The following ST7L variants were observed in gnomAD, a reference collection of about 807,000 sequenced individuals.
ST7L encodes suppression of tumorigenicity 7 like.
In ST7L, 57 loss-of-function variants were observed where a neutral mutation model predicts 72.5. That is an observed-to-expected ratio of 0.79 (90% CI 0.64 to 0.98). The LOEUF (loss-of-function observed/expected upper bound fraction) is 0.98. ST7L is among the 50% of genes least tolerant of loss of function. The pLI is 0.00. For missense variants in ST7L, 576 were observed against 672.2 expected, an observed-to-expected ratio of 0.86 and a Z score of 1.58; for synonymous variants, 221 against 240.9, an observed-to-expected ratio of 0.92 and a Z score of 0.77.
intron 9 of ST7L, among the ~76,000 whole-genome samples, chr1:112,579,773 A>G (rs886810438): frequency 1.3e-5 from 2 of 152,328 alleles, no homozygotes; most frequent in Non-Finnish European, 2.9e-5. Flanking sequence ...AGATTCTGGA[A>G]TGGTAAAAAC....
chr1:112,530,251 A>G (rs1439141313), intron 14 of ST7L: 1 of 152,194 alleles, frequency 6.6e-6, no homozygotes, highest in Non-Finnish European at 1.5e-5. Flanking sequence ...AGTACATTCT[A>G]CAACTCTCTA....
intron 14 of ST7L, among the ~76,000 whole-genome samples, chr1:112,534,796 C>T (rs1030033858): frequency 7.9e-5 from 12 of 152,166 alleles, no homozygotes; most frequent in African/African-American, 2.9e-4. Context: ...ACTATCTAAG[C>T]ACAGCTCTTC....
intron 14 of ST7L, among the ~76,000 whole-genome samples, chr1:112,536,049 G>C (rs546080596): frequency 1.3e-5 from 2 of 151,974 alleles, no homozygotes; most frequent in Non-Finnish European, 2.9e-5. Flanking sequence ...CACACAATAG[G>C]TTTATTTTAT....
rs140028866 is a variant in ST7L, at chr1:112,533,958, G to A, written c.1630-7847C>T. Among the ~76,000 whole-genome samples, 16 of 152,276 alleles carry A rather than the reference G, an allele frequency of 1.1e-4. No homozygotes were observed. The East Asian group carries it at 2.7e-3, about 26-fold the overall frequency. ...GCCTCCCAAAGTGCTGGGATTACAG[G>A]TGTCAGCCACCATGCACAGCTTTCA... On this transcript the variant is annotated intron_variant, in intron 14 of 14. Transcript: ENST00000358039.
chr1:112,613,724 TTTG>T (rs920003349), intron 2 of ST7L, among the ~76,000 whole-genome samples: 7 of 152,000 alleles, frequency 4.6e-5, no homozygotes, highest in African/African-American at 1.7e-4. Context: ...TTTTTGGGTT[TTTG>T]TTGTTGTTGT....
intron 3 of ST7L, among the ~76,000 whole-genome samples, chr1:112,608,025 T>G (rs1668520532): frequency 6.6e-6 from 1 of 152,186 alleles, no homozygotes; most frequent in Non-Finnish European, 1.5e-5. Flanking sequence ...TAAAAAATTT[T>G]TTTTTCCCCC....
At chr1:112,578,966 C>A (rs868401259) in intron 9 of ST7L, among the ~76,000 whole-genome samples, 1 of 152,140 alleles carries the variant, frequency 6.6e-6, no homozygotes. Flanking sequence ...CATCTTTGAG[C>A]TAGTAGCAAC....
chr1:112,558,187 A>T (rs956430686), intron 11 of ST7L, among the ~76,000 whole-genome samples: 1 of 152,204 alleles, frequency 6.6e-6, no homozygotes. Flanking sequence ...GTGTCATAAG[A>T]TACAAATTAT....
rs1664515437 is a variant in ST7L, at chr1:112,584,075, T to C, written c.753A>G (p.Val251=). The C allele has an allele frequency of 6.2e-7, 1 of 1,614,014 alleles. No homozygotes were observed. The highest frequency in any genetic ancestry group is 8.5e-7 in the Non-Finnish European group (1 of 1,180,016). ...CCTGTTTAAATAACCTTTCAGCATC[T>C]ACAATAGTTGTTGCTTCTTCCTCAG... The part of the protein sequence containing the change: ...LLAEEEATTI[V]DAERLFKQAL... Residue 251 remains valine, a synonymous_variant, in exon 7 of 15, where the codon GTA becomes GTG. Transcript: ENST00000358039.
chr1:112,557,254 CT>C (rs982339579), intron 11 of ST7L, among the ~76,000 whole-genome samples: 12 of 152,234 alleles, frequency 7.9e-5, no homozygotes, highest in African/African-American at 2.6e-4. Flanking sequence ...CACTTCTCCC[CT>C]AGTCCCCCAA....
chr1:112,554,936 C>T (rs1455285555), intron 12 of ST7L, among the ~76,000 whole-genome samples: 2 of 152,028 alleles, frequency 1.3e-5, no homozygotes, highest in African/African-American at 4.8e-5. Context: ...TAGTCAAACT[C>T]ATAGAGACAA....
At chr1:112,576,929 T>C (rs1571129642) in intron 11 of ST7L, 57 bp downstream of exon 11, 2 of 1,326,782 alleles carry the variant, frequency 1.5e-6, no homozygotes, top group East Asian at 4.7e-5. Flanking sequence ...GTCTACGAAC[T>C]GTCATCAATT....
chr1:112,566,761 A>G (rs4839251), intron 11 of ST7L, among the ~76,000 whole-genome samples: 2,292 of 152,204 alleles, frequency 0.015, 192 homozygotes, highest in Admixed American at 0.13. Context: ...GTACTTGTTT[A>G]TATGTCATAT....
intron 3 of ST7L, among the ~76,000 whole-genome samples, chr1:112,605,110 G>T (rs1338989245): frequency 7.0e-6 from 1 of 143,444 alleles, no homozygotes. Flanking sequence ...AAAAAAAAAG[G>T]GCCGGGCATG....
rs774320953 is a variant in ST7L, at chr1:112,619,081, T to C, written c.33A>G (p.Ala11=). The part of the protein sequence containing the change: MADRGGVGEA[A]AVGASPASVP... Reference sequence around the variant, plus strand: ...CAGATGCAGGAGACGCTCCAACAGCTGCGGCTTCACCCACGCCGCCACGGT... The same window carrying C: ...CAGATGCAGGAGACGCTCCAACAGCCGCGGCTTCACCCACGCCGCCACGGT... The change falls in exon 1 of 15, where the codon GCA becomes GCG. Residue 11 remains alanine, a synonymous_variant. Coordinates refer to ENST00000358039, the MANE Select transcript of ST7L (RefSeq NM_017744.5). 2 of 1,613,356 alleles carry C rather than the reference T, an allele frequency of 1.2e-6. No homozygotes were observed. The highest frequency in any genetic ancestry group is 1.7e-5 in the Admixed American group (1 of 59,994).
intron 13 of ST7L, among the ~76,000 whole-genome samples, chr1:112,546,715 C>A (rs532939609): frequency 9.6e-4 from 146 of 152,158 alleles, no homozygotes; most frequent in African/African-American, 3.2e-3. Context: ...TCTCTGATAA[C>A]CCAGTGTTCT....
intron 13 of ST7L, among the ~76,000 whole-genome samples, chr1:112,542,346 T>C (rs955428680): frequency 2.6e-5 from 4 of 152,196 alleles, no homozygotes; most frequent in Admixed American, 6.5e-5. Flanking sequence ...TACAAAATCA[T>C]GCTGAGGTGA....
chr1:112,542,327 A>G (rs544089506), intron 13 of ST7L, among the ~76,000 whole-genome samples: 1 of 152,168 alleles, frequency 6.6e-6, no homozygotes, highest in Non-Finnish European at 1.5e-5. Flanking sequence ...CATGGGAAAG[A>G]ATATTGATTA....
intron 3 of ST7L, among the ~76,000 whole-genome samples, chr1:112,606,861 T>C (rs1307409438): frequency 6.6e-6 from 1 of 152,174 alleles, no homozygotes; most frequent in African/African-American, 2.4e-5. Flanking sequence ...AAGCCATCAA[T>C]ACTATCAGAT....
Sources: gnomAD v4.1 joint callset for allele counts (sites outside exome capture counted in the v4.1 genomes callset) on GRCh38, gnomAD v4.1.1 for gene constraint, MANE v1.5 for transcripts, NCBI Gene and HGNC (gene_info 2026-07-23, HGNC 2026-07-21) for gene names.